Variants in GIPC1 observed in about 807,000 individuals in gnomAD.
GIPC1 encodes GIPC PDZ domain containing family member 1.
Under a neutral mutation model 28.5 loss-of-function variants are expected in GIPC1, and 15 were observed. The ratio of observed to expected loss-of-function variants is 0.53; its 90% CI spans 0.35 to 0.81. GIPC1 has a LOEUF of 0.81. Among genes scored for constraint, GIPC1 ranks in the 30% least tolerant of loss-of-function variants. GIPC1 has a pLI of 0.01. For missense variants in GIPC1, 439 were observed against 481.9 expected, an observed-to-expected ratio of 0.91 and a Z score of 0.83; for synonymous variants, 224 against 206.1, an observed-to-expected ratio of 1.09 and a Z score of -0.74.
Position 14,496,052 on chromosome 19 carries a change from C to CGCCGCT in GIPC1, c.-191_-190insAGCGGC. 4.1e-6 allele frequency: 1 copy of CGCCGCT among 245,308 alleles called. No homozygotes were observed. Among genetic ancestry groups the CGCCGCT allele is most frequent in the Non-Finnish European group, 7.7e-6 (1 of 130,580 alleles). The allele number at this position is 245,308 out of a possible 1,614,324, so 15.2% of individuals were successfully genotyped here. A position where few individuals can be genotyped will look rare whatever the true frequency, so the allele number is the denominator to read the frequency against. On this transcript the variant is annotated 5_prime_UTR_variant, in exon 1 of 9. Transcript: ENST00000393033. ...GGCCACTCACCTGCTCCGCCGCCGC[C>CGCCGCT]GCCGCCGCCGCCGCCGCCGCCGCTG...
rs548231209 is a variant in GIPC1 at position 14,483,789 on chromosome 19, A to G, written c.-30-783T>C. On this transcript the variant is annotated intron_variant, in intron 3 of 8. Transcript: ENST00000393033. ...AATAATAATAATAATAATAATAATA[A>G]TAATAATAATACCAGCTAGGATTAT... Among the ~76,000 whole-genome samples the G allele has an allele frequency of 1.3e-3, 182 of 143,196 alleles. 5 individuals carry two copies. The South Asian group carries it at 0.038, about 30-fold the overall frequency. 93.9% of individuals were successfully genotyped at this position (143,196 alleles called of 152,430 possible).
intron 3 of GIPC1, chr19:14,489,511 A>G (rs758556608): frequency 1.1e-6 from 1 of 899,520 alleles, no homozygotes; most frequent in Admixed American, 1.7e-5. Flanking sequence ...GAACCTTGTG[A>G]TAGATGAATG....
At chr19:14,492,575 G>A (rs893775859) in intron 2 of GIPC1, among the ~76,000 whole-genome samples, 1 of 152,072 alleles carries the variant, frequency 6.6e-6, no homozygotes, top group Non-Finnish European at 1.5e-5. Flanking sequence ...CAAAGTGCTG[G>A]GATTATAGGC....
chr19:14,479,929 CCCA>C (rs1378145432), intron 6 of GIPC1: 1 of 431,514 alleles, frequency 2.3e-6, no homozygotes, highest in East Asian at 4.5e-5. Flanking sequence ...GTCCCCCACC[CCCA>C]CCTCAGGGGC....
At position 14,496,088 on chromosome 19, in the gene GIPC1, C is replaced by CGCCGCCGCCGCCGCCGCCGCCGCCG. The variant is rs1464281217; in HGVS notation, c.-227_-226insCGGCGGCGGCGGCGGCGGCGGCGGC. On this transcript the variant is annotated 5_prime_UTR_variant, in exon 1 of 9. Coordinates refer to ENST00000393033, the MANE Select transcript of GIPC1 (RefSeq NM_005716.4). ...CCGCCGCCGCCGCTGCCTCCGCCTC[C>CGCCGCCGCCGCCGCCGCCGCCGCCG]CCGTGCGCACCCGGCTCGGCCCTCC... is the stretch of plus-strand genomic sequence containing the variant. 4.3e-6 allele frequency: 1 copy of CGCCGCCGCCGCCGCCGCCGCCGCCG among 230,938 alleles called. No individual in the cohort carries two copies. Among genetic ancestry groups the CGCCGCCGCCGCCGCCGCCGCCGCCG allele is most frequent in the East Asian group, 1.2e-4 (1 of 8,548 alleles). 14.3% of individuals were successfully genotyped at this position (230,938 alleles called of 1,614,324 possible).
At chr19:14,487,042 A>G (rs1275229109) in intron 3 of GIPC1, among the ~76,000 whole-genome samples, 1 of 151,748 alleles carries the variant, frequency 6.6e-6, no homozygotes, top group Non-Finnish European at 1.5e-5. Context: ...ACTGTCTTCA[A>G]TAAAAAAAGC....
rs1555721818 is a variant in GIPC1, at chr19:14,485,725, A to AGAGAGAGAGAGAGG, written c.-30-2720_-30-2719insCCTCTCTCTCTCTC. On this transcript the variant is annotated intron_variant, in intron 3 of 8. Coordinates refer to ENST00000393033, the MANE Select transcript of GIPC1 (RefSeq NM_005716.4). ...TATAGAGAGAGAGAGAGAGAGAGAG[A>AGAGAGAGAGAGAGG]GAGAGAGAGAGAGAGACAGAGAGAG... 4.5e-3 allele frequency among the ~76,000 whole-genome samples: 633 copies of AGAGAGAGAGAGAGG among 141,084 alleles called. 6 individuals are homozygous for AGAGAGAGAGAGAGG. Among genetic ancestry groups the AGAGAGAGAGAGAGG allele is most frequent in the Non-Finnish European group, 6.0e-3 (391 of 64,806 alleles). The allele number at this position is 141,084 out of a possible 152,430, so 92.6% of individuals were successfully genotyped here. A position where few individuals can be genotyped will look rare whatever the true frequency, so the allele number is the denominator to read the frequency against.
At chr19:14,479,924 C>G in intron 6 of GIPC1, 1 of 425,684 alleles carries the variant, frequency 2.3e-6, no homozygotes, top group South Asian at 3.0e-5. Context: ...ATTTAGTCCC[C>G]CACCCCCACC....
chr19:14,490,719 A>C (rs1280640343), intron 3 of GIPC1, among the ~76,000 whole-genome samples: 4 of 152,056 alleles, frequency 2.6e-5, no homozygotes, highest in Non-Finnish European at 4.4e-5. Context: ...CACGCCTGTA[A>C]TCCCAGCACT....
At chr19:14,492,722 T>C (rs1336666971) in intron 2 of GIPC1, 135 bp downstream of exon 2, 1 of 152,176 alleles carries the variant, frequency 6.6e-6, no homozygotes, top group Non-Finnish European at 1.5e-5. Flanking sequence ...ACTGCCCTGG[T>C]TCATGCCAGC....
Position 14,482,864 on chromosome 19 carries a change from C to T in GIPC1, c.113G>A (p.Gly38Asp). The T allele has an allele frequency of 6.3e-7, 1 of 1,579,212 alleles. No individual in the cohort carries two copies. Among genetic ancestry groups the T allele is most frequent in the Non-Finnish European group, 8.6e-7 (1 of 1,163,138 alleles). ...GVGEPGPLGG[G>D]GSGGPQMGLP... ...GCCCATTTGGGGGCCCCCCGACCCACCTCCGCCCAGAGGCCCTGGCTCCCC... is the reference window on the plus strand; with the variant it reads ...GCCCATTTGGGGGCCCCCCGACCCATCTCCGCCCAGAGGCCCTGGCTCCCC... Residue 38 changes from glycine (G) to aspartate (D), a missense_variant, in exon 4 of 9, where the codon GGT (glycine) becomes GAT (aspartate). Transcript: ENST00000393033.
rs112778965 is a variant in GIPC1 at position 14,485,021 on chromosome 19, G to A, written c.-30-2015C>T. ...CTAAAAATACAAAAATTAGCTGGCC[G>A]TGGTGGCGGGCGTCTGTAATCCCAG... On this transcript the variant is annotated intron_variant, in intron 3 of 8. Transcript: ENST00000393033. 2.7e-3 allele frequency among the ~76,000 whole-genome samples: 412 copies of A among 151,846 alleles called. 3 individuals carry two copies. Among genetic ancestry groups the A allele is most frequent in the African/African-American group, 9.4e-3 (390 of 41,448 alleles).
chr19:14,496,073 CGCT>C lies in GIPC1; in HGVS notation c.-214_-212del, dbSNP rs781618301. On this transcript the variant is annotated 5_prime_UTR_variant, in exon 1 of 9. Coordinates refer to ENST00000393033, the MANE Select transcript of GIPC1 (RefSeq NM_005716.4). ...CCGCCGCCGCCGCCGCCGCCGCCGC[CGCT>C]GCCTCCGCCTCCCCGTGCGCACCCG... 491 of 234,786 alleles carry C rather than the reference CGCT, an allele frequency of 2.1e-3. 10 individuals are homozygous for C. The highest frequency in any genetic ancestry group is 0.018 in the East Asian group (155 of 8,836). 14.5% of individuals were successfully genotyped at this position (234,786 alleles called of 1,614,324 possible).
At chr19:14,493,469 T>G (rs1351658410) in intron 1 of GIPC1, among the ~76,000 whole-genome samples, 1 of 151,864 alleles carries the variant, frequency 6.6e-6, no homozygotes, top group African/African-American at 2.4e-5. Context: ...TCTCTTTTTT[T>G]TTTTTCGAGA....
intron 3 of GIPC1, among the ~76,000 whole-genome samples, chr19:14,490,741 A>G (rs2071952600): frequency 6.6e-6 from 1 of 152,022 alleles, no homozygotes; most frequent in Non-Finnish European, 1.5e-5. Flanking sequence ...TGGGAGTCCA[A>G]GGCGGGTGGA....
chr19:14,483,936 G>A (rs2071785076), intron 3 of GIPC1, among the ~76,000 whole-genome samples: 1 of 151,532 alleles, frequency 6.6e-6, no homozygotes, highest in Admixed American at 6.6e-5. Flanking sequence ...CAGGCTCAAG[G>A]GATCCTCACA....
At position 14,487,871 on chromosome 19, in the gene GIPC1, G is replaced by A. The variant is rs146727477; in HGVS notation, c.-31+3785C>T. Among the ~76,000 whole-genome samples the A allele has an allele frequency of 7.5e-3, 1,142 of 151,508 alleles. 16 individuals are homozygous for A. The highest frequency in any genetic ancestry group is 0.026 in the African/African-American group (1,072 of 41,272). ...TTTTTATTTTTATTTTTTAGAGACA[G>A]GGTCTTGCTATGTTGTCCCGGCTGG... On this transcript the variant is annotated intron_variant, in intron 3 of 8. Coordinates refer to ENST00000393033, the MANE Select transcript of GIPC1 (RefSeq NM_005716.4).
chr19:14,482,344 G>A, intron 4 of GIPC1: 1 of 386,472 alleles, frequency 2.6e-6, no homozygotes, highest in Non-Finnish European at 4.8e-6. Flanking sequence ...CCCTAGTCTT[G>A]CACAATCTAC....
intron 2 of GIPC1, among the ~76,000 whole-genome samples, 173 bp downstream of exon 2, chr19:14,492,684 C>T (rs1214427568): frequency 1.3e-5 from 2 of 152,180 alleles, no homozygotes; most frequent in African/African-American, 2.4e-5. Flanking sequence ...AATTCCCAGC[C>T]TCCTTACTCT....
Sources: allele counts gnomAD v4.1 joint callset (sites outside exome capture counted in the v4.1 genomes callset), GRCh38; gene constraint gnomAD v4.1.1; transcripts MANE v1.5; gene names NCBI Gene and HGNC (gene_info 2026-07-23, HGNC 2026-07-21).